The following NFKBIZ variants were observed in gnomAD, a reference collection of about 807,000 sequenced individuals.
NFKBIZ encodes NFKB inhibitor zeta.
Under a neutral mutation model 76.8 loss-of-function variants are expected in NFKBIZ, and 19 were observed. The observed-to-expected ratio is 0.25, with a 90% CI of 0.17 to 0.36. The LOEUF is 0.36. NFKBIZ is among the 10% of genes least tolerant of loss of function. The pLI is 1.00. For missense variants in NFKBIZ, 829 were observed against 910.9 expected (o/e 0.91, Z 1.16); for synonymous variants, 368 against 354.8 (o/e 1.04, Z -0.42).
chr3:101,858,830 A>G (rs1943093218), intron 11 of NFKBIZ, among the ~76,000 whole-genome samples: 1 of 151,878 alleles, frequency 6.6e-6, no homozygotes, highest in South Asian at 2.1e-4. Context: ...TAGATGCTTT[A>G]ATACTTGGAT....
At chr3:101,828,069 G>A (rs1942578499) in exon 1 of NFKBIZ, 1 of 152,144 alleles carries the variant, frequency 6.6e-6, no homozygotes, top group African/African-American at 2.4e-5. Context: ...AACCTCAAAA[G>A]GAAACTGATC....
chr3:101,849,329 C>T (rs1436823682), upstream of NFKBIZ: 2 of 267,256 alleles, frequency 7.5e-6, no homozygotes, highest in Non-Finnish European at 7.0e-6. Flanking sequence ...CGGAGCCGGG[C>T]GGGCGGGGCG....
At chr3:101,858,257 T>G in intron 11 of NFKBIZ, 2 of 976,564 alleles carry the variant, frequency 2.0e-6, no homozygotes, top group Non-Finnish European at 2.4e-6. Flanking sequence ...GACCATAATG[T>G]TATAGTAGCC....
chr3:101,829,292 A>G (rs1020523541), intron 1 of NFKBIZ, among the ~76,000 whole-genome samples: 1 of 152,164 alleles, frequency 6.6e-6, no homozygotes, highest in African/African-American at 2.4e-5. Flanking sequence ...AGTGCAGATG[A>G]CGGAAACATT....
chr3:101,855,187 G>C lies in NFKBIZ; in HGVS notation c.1569G>C (p.Lys523Asn). 4.3e-6 allele frequency: 7 copies of C among 1,611,188 alleles called. No homozygotes were observed. Among genetic ancestry groups the C allele is most frequent in the Non-Finnish European group, 5.9e-6 (7 of 1,178,900 alleles). Reference protein sequence around the residue: ...GRTPLHVCAEKGHSQVLQAIQ... With the variant: ...GRTPLHVCAENGHSQVLQAIQ... ...CACCTCTGCATGTGTGTGCTGAGAA[G>C]GGCCACTCCCAGGTGCTTCAGGTAA... Residue 523 changes from lysine to asparagine, a missense_variant, in exon 7 of 12, where the codon AAG becomes AAC. Transcript: ENST00000326172.
rs1943119243 is a variant in NFKBIZ at position 101,860,622 on chromosome 3, A to AAATGATGAT, written c.*1256_*1264dup. On this transcript the variant is annotated 3_prime_UTR_variant, in exon 12 of 12. Coordinates refer to ENST00000326172, the MANE Select transcript of NFKBIZ (RefSeq NM_031419.4). The stretch of plus-strand genomic sequence containing the variant: ...ACATATCTTCCTGTTTTCTGTTGTC[A>AAATGATGAT]AATGATGATAATGTGCCATGATGTT... 1 of 152,176 alleles carries AAATGATGAT rather than the reference A, an allele frequency of 6.6e-6. No homozygotes were observed. The highest frequency in any genetic ancestry group is 1.5e-5 in the Non-Finnish European group (1 of 68,028). 9.4% of individuals were successfully genotyped at this position (152,176 alleles called of 1,614,324 possible). A position where few individuals can be genotyped will look rare whatever the true frequency, so the allele number is the denominator to read the frequency against.
Position 101,855,226 on chromosome 3 carries a change from A to G in NFKBIZ, c.1590+18A>G. On this transcript the variant is annotated intron_variant, in intron 7 of 11. Coordinates refer to ENST00000326172, the MANE Select transcript of NFKBIZ (RefSeq NM_031419.4). ...TGCTTCAGGTAAGAGGCAGCAAACC[A>G]GGCTTCCATCATTGCAAGGCCAGAG... 1 of 1,602,778 alleles carries G rather than the reference A, an allele frequency of 6.2e-7. No individual in the cohort carries two copies. The highest frequency in any genetic ancestry group is 8.5e-7 in the Non-Finnish European group (1 of 1,174,594).
In NFKBIZ at chr3:101,852,784, A is replaced by ATT; in HGVS notation, c.460+18_460+19dup. On this transcript the variant is annotated intron_variant, in intron 3 of 11. Transcript: ENST00000326172. Reference sequence around the variant, plus strand: ...CAGTTCAGAGGTAAGAGTTACTTGTATTTGTAATTTTTTCAGGGCTTTGGA... The same window carrying ATT: ...CAGTTCAGAGGTAAGAGTTACTTGTATTTTTGTAATTTTTTCAGGGCTTTGGA... 1.2e-6 allele frequency: 2 copies of ATT among 1,610,418 alleles called. No individual in the cohort carries two copies. Among genetic ancestry groups the ATT allele is most frequent in the Non-Finnish European group, 1.7e-6 (2 of 1,178,524 alleles).
chr3:101,847,980 T>C (rs570555011), upstream of NFKBIZ, among the ~76,000 whole-genome samples: 4 of 152,036 alleles, frequency 2.6e-5, no homozygotes, highest in East Asian at 7.7e-4. Context: ...CTTTCATTTC[T>C]CCCCCCCTCC....
At chr3:101,855,370 A>G (rs993668430) in intron 7 of NFKBIZ, 25 bp from the exon 8 acceptor site, 1 of 1,613,646 alleles carries the variant, frequency 6.2e-7, no homozygotes, top group East Asian at 2.2e-5. Flanking sequence ...TGTAGCTAAC[A>G]GATGTCTGTT....
At chr3:101,859,267 A>G (rs1447946710) in intron 11 of NFKBIZ, 51 bp from the exon 12 acceptor site, 1 of 1,416,292 alleles carries the variant, frequency 7.1e-7, no homozygotes, top group East Asian at 2.3e-5. Context: ...GAAATACACC[A>G]CATTGGCCAT....
chr3:101,850,944 CAG>C (rs1942948898), intron 1 of NFKBIZ, among the ~76,000 whole-genome samples: 1 of 152,220 alleles, frequency 6.6e-6, no homozygotes, highest in African/African-American at 2.4e-5. Context: ...CACACAGCCA[CAG>C]GGGATTTCTG....
At chr3:101,858,248 A>T in intron 11 of NFKBIZ, 1 of 978,600 alleles carries the variant, frequency 1.0e-6, no homozygotes, top group Non-Finnish European at 1.2e-6. Flanking sequence ...TGTCATTATG[A>T]CCATAATGTT....
chr3:101,853,336 A>T lies in NFKBIZ; in HGVS notation c.810A>T (p.Gln270His). 1 of 1,614,164 alleles carries T rather than the reference A, an allele frequency of 6.2e-7. No homozygotes were observed. Among genetic ancestry groups the T allele is most frequent in the Non-Finnish European group, 8.5e-7 (1 of 1,180,034 alleles). Residue 270 changes from glutamine (Q) to histidine (H), a missense_variant, in exon 5 of 12, where the codon CAA (glutamine) becomes CAT (histidine). Gln to His is a conservative substitution (Grantham distance 24). This residue lies in a region of NFKBIZ where 371 missense variants were observed against 332.3 expected (regional missense o/e 1.12). Transcript: ENST00000326172. Reference protein sequence around the residue: ...GQVFSPPQKCQPFQVRGSQQM... With the variant: ...GQVFSPPQKCHPFQVRGSQQM... ...TCTTTTCTCCACCTCAGAAATGCCA[A>T]CCATTCCAAGTCAGGGGCTCCCAAC...
At chr3:101,837,781 T>A (rs1012244582) in intron 2 of NFKBIZ, among the ~76,000 whole-genome samples, 5 of 152,128 alleles carry the variant, frequency 3.3e-5, no homozygotes, top group Non-Finnish European at 5.9e-5. Context: ...TGATGTAGGC[T>A]GATGGGAAGA....
upstream of NFKBIZ, among the ~76,000 whole-genome samples, chr3:101,845,429 G>A (rs1942837394): frequency 1.3e-5 from 2 of 151,734 alleles, no homozygotes; most frequent in Admixed American, 1.3e-4. Context: ...AAGTAGCTGG[G>A]ACCACAGGCA....
At position 101,853,008 on chromosome 3, in the gene NFKBIZ, T is replaced by A. The variant is rs373340999; in HGVS notation, c.564+19T>A. ...ATTTTTGGTAAGTATCTCACCATTT[T>A]CCTCTGACTATCCTTTGGAAATTAT... On this transcript the variant is annotated intron_variant, in intron 4 of 11. Transcript: ENST00000326172. The A allele has an allele frequency of 2.2e-5, 35 of 1,613,824 alleles. No individual in the cohort carries two copies. Among genetic ancestry groups the A allele is most frequent in the Non-Finnish European group, 2.9e-5 (34 of 1,179,876 alleles).
chr3:101,834,966 C>G (rs779854190), intron 2 of NFKBIZ, among the ~76,000 whole-genome samples: 2 of 152,212 alleles, frequency 1.3e-5, no homozygotes, highest in Non-Finnish European at 2.9e-5. Flanking sequence ...CCTATGTTCT[C>G]TTCAAGTTGG....
At chr3:101,844,509 G>A (rs566030732) in intron 2 of NFKBIZ, among the ~76,000 whole-genome samples, 1 of 152,286 alleles carries the variant, frequency 6.6e-6, no homozygotes, top group South Asian at 2.1e-4. Flanking sequence ...AATTGTTTCA[G>A]GATAAATGAT....
Sources: allele counts gnomAD v4.1 joint callset (sites outside exome capture counted in the v4.1 genomes callset), GRCh38; gene constraint gnomAD v4.1.1; regional missense constraint gnomAD v4.1.1; transcripts MANE v1.5; gene names NCBI Gene and HGNC (gene_info 2026-07-23, HGNC 2026-07-21).